Variants in DHX29 observed in about 807,000 individuals in gnomAD.
DHX29 encodes ATP-dependent RNA helicase DHX29.
Under a neutral mutation model 167.9 loss-of-function variants are expected in DHX29, and 79 were observed. The observed-to-expected ratio is 0.47, with a 90% confidence interval of 0.39 to 0.57. The LOEUF (loss-of-function observed/expected upper bound fraction) is 0.57, where lower values mean the gene tolerates loss of function less well. Ranked by LOEUF, DHX29 falls within the 20% of genes least tolerant of loss-of-function variation. DHX29 has a pLI of 0.00. For missense variants in DHX29, 1,347 were observed against 1,593.4 expected, an observed-to-expected ratio of 0.85 and a Z score of 2.63; for synonymous variants, 530 against 546.0, an observed-to-expected ratio of 0.97 and a Z score of 0.41.
In DHX29 at chr5:55,307,631, G is replaced by A. The variant is rs1459071954; in HGVS notation, c.-58C>T. The A allele has an allele frequency of 6.3e-7, 1 of 1,588,048 alleles. No homozygotes were observed. Among genetic ancestry groups the A allele is most frequent in the Non-Finnish European group, 8.6e-7 (1 of 1,167,708 alleles). ...CAGGCCCCGACGGTACCACTGCACA[G>A]CCGAGAGCTCTTCACATTCCCCGGC... On this transcript the variant is annotated 5_prime_UTR_variant, in exon 1 of 27. Transcript: ENST00000251636.
intron 14 of DHX29, among the ~76,000 whole-genome samples, chr5:55,275,779 G>GTC (rs1561146825): frequency 1.3e-5 from 2 of 151,198 alleles, no homozygotes; most frequent in Non-Finnish European, 3.0e-5. Flanking sequence ...GTATGTGTGT[G>GTC]TGTCTGTCTG....
At position 55,283,432 on chromosome 5, in the gene DHX29, T is replaced by G. The variant is rs746214774; in HGVS notation, c.1736A>C (p.Asp579Ala). The change falls in exon 11 of 27, where the codon GAC (aspartate) becomes GCC (alanine). Residue 579 changes from aspartate to alanine, a missense_variant. Physicochemically the swap from Asp to Ala is moderately radical, Grantham distance 126. Transcript: ENST00000251636. Reference sequence around the variant, plus strand: ...CCTTTTAAGAGTTTCAACAATTGAGTCCCGATGTTTAAATACAGGTAGCTG... The same window carrying G: ...CCTTTTAAGAGTTTCAACAATTGAGGCCCGATGTTTAAATACAGGTAGCTG... Reference protein sequence around the residue: ...RQQLPVFKHRDSIVETLKRHR... With the variant: ...RQQLPVFKHRASIVETLKRHR... 6.2e-7 allele frequency: 1 copy of G among 1,614,176 alleles called. No homozygotes were observed. Among genetic ancestry groups the G allele is most frequent in the South Asian group, 1.1e-5 (1 of 91,078 alleles).
At chr5:55,258,655 G>A (rs537981152) in intron 26 of DHX29, among the ~76,000 whole-genome samples, 7 of 152,126 alleles carry the variant, frequency 4.6e-5, no homozygotes, top group African/African-American at 7.2e-5. Context: ...ACTGGAGTGC[G>A]GATACTCGCC....
At chr5:55,298,726 C>A in intron 1 of DHX29, 62 bp from the exon 2 acceptor site, 1 of 875,350 alleles carries the variant, frequency 1.1e-6, no homozygotes, top group South Asian at 1.5e-5. Flanking sequence ...TTTTAATTTT[C>A]CTCTAAAGAA....
Position 55,307,600 on chromosome 5 carries a change from G to C in DHX29, c.-27C>G. 6.2e-7 allele frequency: 1 copy of C among 1,611,146 alleles called. No individual in the cohort carries two copies. On this transcript the variant is annotated 5_prime_UTR_variant, in exon 1 of 27. Transcript: ENST00000251636. Reference sequence around the variant, plus strand: ...TTGCAGCTGTGGCAGAAGATCCTTCGCGGCCCAGGCCCCGACGGTACCACT... The same window carrying C: ...TTGCAGCTGTGGCAGAAGATCCTTCCCGGCCCAGGCCCCGACGGTACCACT...
At chr5:55,305,726 C>T (rs765127501) in intron 1 of DHX29, among the ~76,000 whole-genome samples, 3 of 152,032 alleles carry the variant, frequency 2.0e-5, no homozygotes, top group Non-Finnish European at 4.4e-5. Flanking sequence ...ACAAGGAAGT[C>T]GAAGAAAAAG....
chr5:55,256,273 T>G lies in DHX29; in HGVS notation c.*215A>C. 2.7e-6 allele frequency: 1 copy of G among 371,878 alleles called. No homozygotes were observed. The highest frequency in any genetic ancestry group is 4.8e-6 in the Non-Finnish European group (1 of 206,454). The allele number at this position is 371,878 out of a possible 1,614,324, so 23.0% of individuals were successfully genotyped here. ...ATAATACCAAAGAATTTATTGTAAA[T>G]GTAGTGGCAAATACATTCAGAATAA... On this transcript the variant is annotated 3_prime_UTR_variant, in exon 27 of 27. Coordinates refer to ENST00000251636, the MANE Select transcript of DHX29 (RefSeq NM_019030.4).
At chr5:55,267,870 T>C (rs1052342045) in intron 21 of DHX29, 48 bp from the exon 22 acceptor site, 1 of 1,435,978 alleles carries the variant, frequency 7.0e-7, no homozygotes, top group South Asian at 1.5e-5. Context: ...TAAAGAGCAA[T>C]ACAGTGAAAG....
chr5:55,295,215 T>G, intron 5 of DHX29, 164 bp downstream of exon 5: 12 of 600,828 alleles, frequency 2.0e-5, no homozygotes, highest in Non-Finnish European at 1.4e-5. Flanking sequence ...TTGGAGTGGT[T>G]TGTTATATAA....
At chr5:55,266,992 A>T in intron 23 of DHX29, 146 bp downstream of exon 23, 1 of 546,898 alleles carries the variant, frequency 1.8e-6, no homozygotes, top group East Asian at 3.0e-5. Context: ...GCTGGAAGAA[A>T]GAAGTACAAT....
At position 55,290,177 on chromosome 5, in the gene DHX29, G is replaced by T. The variant is rs772854766; in HGVS notation, c.907+41C>A. On this transcript the variant is annotated intron_variant, in intron 7 of 26. Coordinates refer to ENST00000251636, the MANE Select transcript of DHX29 (RefSeq NM_019030.4). Reference sequence around the variant, plus strand: ...ATCCCAGGAAGGCCAACAAATAGAAGACAATTACATTTATACATCTAAGTA... The same window carrying T: ...ATCCCAGGAAGGCCAACAAATAGAATACAATTACATTTATACATCTAAGTA... The T allele has an allele frequency of 4.4e-6, 7 of 1,577,292 alleles. No homozygotes were observed. The African/African-American group carries it at 8.2e-5, about 19-fold the overall frequency.
At chr5:55,283,053 C>G in intron 11 of DHX29, 150 bp downstream of exon 11, 3 of 742,228 alleles carry the variant, frequency 4.0e-6, no homozygotes, top group Non-Finnish European at 6.2e-6. Context: ...TCACATCTAT[C>G]AAAGAAAATG....
chr5:55,297,504 G>A, intron 2 of DHX29, 106 bp from the exon 3 acceptor site: 1 of 627,646 alleles, frequency 1.6e-6, no homozygotes, highest in Non-Finnish European at 2.8e-6. Flanking sequence ...CAAAATTTCA[G>A]CTAAAATCAG....
chr5:55,274,861 T>C lies in DHX29; in HGVS notation c.2572+5A>G. On this transcript the variant is annotated splice_donor_5th_base_variant and intron_variant, in intron 15 of 26. Coordinates refer to ENST00000251636, the MANE Select transcript of DHX29 (RefSeq NM_019030.4). ...AATGGAGACCCATTAGAAATAGAAATATACCTAAGTATGCAAGAAGTTCCA... is the reference window on the plus strand; with the variant it reads ...AATGGAGACCCATTAGAAATAGAAACATACCTAAGTATGCAAGAAGTTCCA... The C allele has an allele frequency of 3.7e-6, 6 of 1,610,772 alleles. No homozygotes were observed. Among genetic ancestry groups the C allele is most frequent in the Non-Finnish European group, 5.1e-6 (6 of 1,179,004 alleles).
intron 12 of DHX29, 70 bp from the exon 13 acceptor site, chr5:55,277,352 C>A: frequency 2.0e-6 from 2 of 992,816 alleles, no homozygotes; most frequent in South Asian, 3.8e-5. Flanking sequence ...CTTGAACAAT[C>A]AGACACCCAG....
intron 9 of DHX29, 33 bp downstream of exon 9, chr5:55,285,663 G>A: frequency 1.3e-6 from 2 of 1,526,116 alleles, no homozygotes; most frequent in Non-Finnish European, 1.8e-6. Flanking sequence ...AGTTCATTCA[G>A]TTAATTAAAA....
At position 55,288,860 on chromosome 5, in the gene DHX29, G is replaced by A. The variant is rs551778743; in HGVS notation, c.1066+410C>T. On this transcript the variant is annotated intron_variant, in intron 8 of 26. Coordinates refer to ENST00000251636, the MANE Select transcript of DHX29 (RefSeq NM_019030.4). ...CGTTTTCAAGAGTAAGGTGGCTGGA[G>A]TAATAAGCCAATGAAATAAGGTAGA... Among the ~76,000 whole-genome samples the A allele has an allele frequency of 6.6e-5, 10 of 152,248 alleles. No individual in the cohort carries two copies. The East Asian group carries it at 1.9e-3, about 29-fold the overall frequency.
chr5:55,306,427 C>A (rs112297513), intron 1 of DHX29, among the ~76,000 whole-genome samples: 7 of 152,146 alleles, frequency 4.6e-5, no homozygotes, highest in African/African-American at 1.4e-4. Flanking sequence ...AGACACCATC[C>A]ATGATACCTG....
At position 55,307,559 on chromosome 5, in the gene DHX29, G is replaced by A. The variant is rs759809258; in HGVS notation, c.15C>T (p.Asn5=). 2.5e-6 allele frequency: 4 copies of A among 1,613,668 alleles called. No individual in the cohort carries two copies. The Admixed American group carries it at 6.7e-5, about 27-fold the overall frequency. ...CGGCCGCTGGAGCCTTGTGTTTCTT[G>A]TTCTTGCCGCCCATGTTGCAGCTGT... The part of the protein sequence containing the change: MGGK[N]KKHKAPAAAV... The change falls in exon 1 of 27, where the codon AAC becomes AAT. Residue 5 remains asparagine (N), a synonymous_variant. Transcript: ENST00000251636.
Sources: allele counts gnomAD v4.1 joint callset (sites outside exome capture counted in the v4.1 genomes callset), GRCh38; gene constraint gnomAD v4.1.1; transcripts MANE v1.5; gene names NCBI Gene and HGNC (gene_info 2026-07-23, HGNC 2026-07-21).